Variants in SSBP2 observed in about 807,000 individuals in gnomAD.
SSBP2 encodes the protein single stranded DNA binding protein 2, also known as single-stranded DNA-binding protein 2.
SSBP2 carries 17 observed loss-of-function variants against 61.8 expected under a neutral mutation model. The ratio of observed to expected loss-of-function variants is 0.28; its 90% CI spans 0.19 to 0.41. The LOEUF is 0.41. Ranked by LOEUF, SSBP2 falls within the 10% of genes least tolerant of loss-of-function variation. The pLI is 1.00. For missense variants in SSBP2, 310 were observed against 458.7 expected (o/e 0.68, Z 2.96); for synonymous variants, 139 against 141.3 (o/e 0.98, Z 0.12).
chr5:81,482,182 T>C (rs1766041221), intron 6 of SSBP2, among the ~76,000 whole-genome samples: 1 of 152,024 alleles, frequency 6.6e-6, no homozygotes, highest in Non-Finnish European at 1.5e-5. Context: ...GATCTCAAGT[T>C]ATCCATGTGC....
chr5:81,449,879 A>G (rs34076780), intron 10 of SSBP2, among the ~76,000 whole-genome samples: 3,044 of 152,314 alleles, frequency 0.02, 54 homozygotes, highest in Non-Finnish European at 0.03. Context: ...GGCCACTGCT[A>G]GAGTGCCCAG....
chr5:81,467,547 A>T (rs1227477654), intron 8 of SSBP2, among the ~76,000 whole-genome samples: 1 of 152,042 alleles, frequency 6.6e-6, no homozygotes, highest in Admixed American at 6.6e-5. Context: ...ATATACAAAT[A>T]CACAAAAAGT....
chr5:81,447,878 C>T (rs533662635), intron 11 of SSBP2: 1 of 152,156 alleles, frequency 6.6e-6, no homozygotes, highest in South Asian at 2.1e-4. Context: ...ATAGAAAATG[C>T]AAAGAAAGAC....
chr5:81,646,910 G>C (rs1282947139), intron 2 of SSBP2, among the ~76,000 whole-genome samples: 1 of 151,856 alleles, frequency 6.6e-6, no homozygotes, highest in African/African-American at 2.4e-5. Flanking sequence ...ATATGCCACT[G>C]AGTAAAGCCC....
intron 4 of SSBP2, among the ~76,000 whole-genome samples, chr5:81,595,654 G>T (rs1053785772): frequency 6.6e-6 from 1 of 152,100 alleles, no homozygotes; most frequent in African/African-American, 2.4e-5. Flanking sequence ...TGATCAAGTG[G>T]GCTTCATCCC....
chr5:81,602,499 GCCTTTTGT>G (rs1744463203), intron 4 of SSBP2, among the ~76,000 whole-genome samples: 1 of 152,034 alleles, frequency 6.6e-6, no homozygotes, highest in Non-Finnish European at 1.5e-5. Context: ...TACTTGGATG[GCCTTTTGT>G]GTGTCTGAAA....
intron 10 of SSBP2, among the ~76,000 whole-genome samples, chr5:81,459,439 G>A (rs1764391022): frequency 6.6e-6 from 1 of 152,172 alleles, no homozygotes; most frequent in Admixed American, 6.5e-5. Context: ...AGTGGTGGGT[G>A]TGAATTGTAC....
chr5:81,431,487 A>G (rs1369021176), intron 15 of SSBP2, among the ~76,000 whole-genome samples: 1 of 152,212 alleles, frequency 6.6e-6, no homozygotes. Flanking sequence ...ACATATATGC[A>G]CACACACATA....
At chr5:81,659,559 GAATCATTA>G (rs1472792403) in intron 1 of SSBP2, among the ~76,000 whole-genome samples, 21 of 152,186 alleles carry the variant, frequency 1.4e-4, no homozygotes, top group African/African-American at 4.6e-4. Context: ...TGGCTAGAAA[GAATCATTA>G]TCATGAAAAT....
chr5:81,740,845 G>A (rs1464246978), intron 1 of SSBP2, among the ~76,000 whole-genome samples: 1 of 152,048 alleles, frequency 6.6e-6, no homozygotes, highest in Non-Finnish European at 1.5e-5. Flanking sequence ...CTATCTGTGG[G>A]GCACTTTTGG....
At chr5:81,741,053 G>A (rs1476332941) in intron 1 of SSBP2, among the ~76,000 whole-genome samples, 2 of 150,576 alleles carry the variant, frequency 1.3e-5, no homozygotes, top group Non-Finnish European at 2.9e-5. Context: ...AGTCAAAATA[G>A]TTAAAATGGG....
At chr5:81,589,269 T>G (rs989832531) in intron 4 of SSBP2, among the ~76,000 whole-genome samples, 3 of 152,212 alleles carry the variant, frequency 2.0e-5, no homozygotes, top group African/African-American at 7.2e-5. Flanking sequence ...CAGTTCTGAC[T>G]ACAAAAGATA....
intron 15 of SSBP2, 40 bp from the exon 16 acceptor site, chr5:81,428,723 T>G: frequency 6.8e-7 from 1 of 1,476,580 alleles, no homozygotes; most frequent in African/African-American, 1.4e-5. Context: ...TGTTGAAAAT[T>G]TTAATTTCCC....
At chr5:81,468,866 T>C (rs925854382) in intron 8 of SSBP2, among the ~76,000 whole-genome samples, 4 of 152,004 alleles carry the variant, frequency 2.6e-5, no homozygotes, top group African/African-American at 7.2e-5. Context: ...ACTTGAGACA[T>C]TGGTTAAAAG....
chr5:81,583,579 G>A (rs887170387), intron 4 of SSBP2, among the ~76,000 whole-genome samples: 1 of 148,758 alleles, frequency 6.7e-6, no homozygotes, highest in Non-Finnish European at 1.5e-5. Flanking sequence ...GCAGTGACCC[G>A]AGATTGCGCC....
chr5:81,642,084 A>G (rs1464657860), intron 2 of SSBP2, among the ~76,000 whole-genome samples: 1 of 152,228 alleles, frequency 6.6e-6, no homozygotes, highest in African/African-American at 2.4e-5. Flanking sequence ...TTTAGCAAAT[A>G]TGAATTAATG....
At chr5:81,595,167 C>T (rs1461221365) in intron 4 of SSBP2, among the ~76,000 whole-genome samples, 3 of 152,086 alleles carry the variant, frequency 2.0e-5, no homozygotes, top group East Asian at 1.9e-4. Context: ...ATATCACCAC[C>T]AATCCCACAG....
chr5:81,543,835 A>G (rs1389923813), intron 4 of SSBP2, among the ~76,000 whole-genome samples: 1 of 152,168 alleles, frequency 6.6e-6, no homozygotes, highest in African/African-American at 2.4e-5. Context: ...ATTTTTTTCT[A>G]CCCTTTAAAT....
chr5:81,684,676 A>G (rs1393412920), intron 1 of SSBP2, among the ~76,000 whole-genome samples: 1 of 152,090 alleles, frequency 6.6e-6, no homozygotes, highest in Non-Finnish European at 1.5e-5. Context: ...TTGGAACAGG[A>G]GCATTTACCC....
Sources: allele counts gnomAD v4.1 joint callset (sites outside exome capture counted in the v4.1 genomes callset), GRCh38; gene constraint gnomAD v4.1.1; transcripts MANE v1.5; gene names NCBI Gene and HGNC (gene_info 2026-07-23, HGNC 2026-07-21).